Variants in NMNAT2 observed in about 807,000 individuals in gnomAD.
The protein encoded by NMNAT2 is nicotinamide/nicotinic acid mononucleotide adenylyltransferase 2.
NMNAT2 carries 11 observed loss-of-function variants against 41.6 expected under a neutral mutation model. The observed-to-expected ratio is 0.26, with a 90% confidence interval of 0.17 to 0.44. The LOEUF (loss-of-function observed/expected upper bound fraction) is 0.44. Ranked by LOEUF, NMNAT2 falls within the 20% of genes least tolerant of loss-of-function variation. The pLI, the probability that NMNAT2 is intolerant of heterozygous loss-of-function variation, is 1.00. For missense variants in NMNAT2, 288 were observed against 407.7 expected, an observed-to-expected ratio of 0.71 and a Z score of 2.53; for synonymous variants, 148 against 151.2, an observed-to-expected ratio of 0.98 and a Z score of 0.16.
At chr1:183,283,966 A>G (rs752638067) in intron 7 of NMNAT2, 29 bp downstream of exon 7, 50 of 1,612,634 alleles carry the variant, frequency 3.1e-5, no homozygotes, top group Non-Finnish European at 3.3e-5. Context: ...AAATGTCCCC[A>G]TTTTCCGCAC....
chr1:183,257,782 T>C (rs1010855248), intron 10 of NMNAT2, among the ~76,000 whole-genome samples: 1 of 150,750 alleles, frequency 6.6e-6, no homozygotes, highest in African/African-American at 2.5e-5. Flanking sequence ...GGTTTGTCAA[T>C]TTTGTTTTTT....
intron 1 of NMNAT2, among the ~76,000 whole-genome samples, chr1:183,387,760 C>G (rs4498769): frequency 1.3e-5 from 2 of 152,188 alleles, no homozygotes; most frequent in Non-Finnish European, 2.9e-5. Flanking sequence ...GGGTCCATCT[C>G]AAATACCACT....
intron 1 of NMNAT2, among the ~76,000 whole-genome samples, chr1:183,409,082 C>T (rs577464706): frequency 1.4e-4 from 21 of 151,832 alleles, no homozygotes; most frequent in African/African-American, 2.9e-4. Flanking sequence ...TTGGTGGGCA[C>T]GGTGGCTCAC....
intron 1 of NMNAT2, among the ~76,000 whole-genome samples, chr1:183,384,567 A>T (rs1648126639): frequency 6.6e-6 from 1 of 152,190 alleles, no homozygotes; most frequent in African/African-American, 2.4e-5. Context: ...GCAAGGGGAG[A>T]GTCTGCCCCC....
At chr1:183,328,579 T>C (rs1662516348) in intron 1 of NMNAT2, among the ~76,000 whole-genome samples, 1 of 152,182 alleles carries the variant, frequency 6.6e-6, no homozygotes, top group Non-Finnish European at 1.5e-5. Context: ...CCATCAGGCT[T>C]GGTGTCAGGA....
intron 1 of NMNAT2, among the ~76,000 whole-genome samples, chr1:183,370,885 A>T (rs1270170267): frequency 6.6e-6 from 1 of 152,174 alleles, no homozygotes; most frequent in Non-Finnish European, 1.5e-5. Context: ...GTGCTTTCCC[A>T]CTATAGCCCC....
Position 183,374,997 on chromosome 1 carries a change from A to C in NMNAT2, c.85+43186T>G, listed in dbSNP as rs59531778. On this transcript the variant is annotated intron_variant, in intron 1 of 10. Transcript: ENST00000287713. ...AGTGTTGACATTCATCGATCCCTAA[A>C]TGTTTCAAAAGAGGGAAGCATTCCA... is the stretch of plus-strand genomic sequence containing the variant. 2.0e-4 allele frequency among the ~76,000 whole-genome samples: 30 copies of C among 152,274 alleles called. 1 individual carries two copies. In the South Asian group the frequency reaches 3.7e-3, roughly 19 times the overall value.
intron 1 of NMNAT2, among the ~76,000 whole-genome samples, chr1:183,380,472 G>T (rs901301062): frequency 1.9e-4 from 29 of 151,982 alleles, no homozygotes; most frequent in Admixed American, 1.6e-3. Context: ...TATAATTTTT[G>T]TTATCCATAT....
intron 1 of NMNAT2, among the ~76,000 whole-genome samples, chr1:183,317,227 C>T (rs567643746): frequency 5.3e-5 from 8 of 152,300 alleles, no homozygotes; most frequent in African/African-American, 1.9e-4. Flanking sequence ...TCAGTTTCAT[C>T]CCCCCGTATT....
chr1:183,371,304 C>T (rs188472316), intron 1 of NMNAT2, among the ~76,000 whole-genome samples: 1 of 152,176 alleles, frequency 6.6e-6, no homozygotes, highest in East Asian at 1.9e-4. Flanking sequence ...CAGTGGTTGC[C>T]AGAAGTTGAG....
At chr1:183,263,595 G>A (rs893451510) in intron 8 of NMNAT2, among the ~76,000 whole-genome samples, 6 of 152,168 alleles carry the variant, frequency 3.9e-5, no homozygotes, top group Non-Finnish European at 7.3e-5. Flanking sequence ...AAGGCGGGTG[G>A]ATCACGAGGT....
chr1:183,396,556 C>G (rs1054296198), intron 1 of NMNAT2, among the ~76,000 whole-genome samples: 13 of 152,088 alleles, frequency 8.5e-5, no homozygotes, highest in African/African-American at 3.1e-4. Context: ...GTGTATATAA[C>G]TCCAGTAAGC....
rs758639592 is a variant in NMNAT2 at position 183,284,823 on chromosome 1, G to A, written c.449-33C>T. On this transcript the variant is annotated intron_variant, in intron 5 of 10. Coordinates refer to ENST00000287713, the MANE Select transcript of NMNAT2 (RefSeq NM_015039.4). ...AGAGAGCAAGACAGACAGGGACAGA[G>A]TGGGAGAGAACAACTCACAACTGGC... 4 of 1,585,712 alleles carry A rather than the reference G, an allele frequency of 2.5e-6. No homozygotes were observed. In the South Asian group the frequency reaches 3.3e-5, roughly 13 times the overall value.
chr1:183,416,539 C>T (rs1649256222), intron 1 of NMNAT2, among the ~76,000 whole-genome samples: 1 of 152,218 alleles, frequency 6.6e-6, no homozygotes, highest in South Asian at 2.1e-4. Context: ...AGACTGATGA[C>T]ATGCTCTTGT....
chr1:183,261,207 A>G lies in NMNAT2; in HGVS notation c.748T>C (p.Tyr250His), dbSNP rs1472065860. ...IMNHSSILRKYKNNIMVVKDD... is the reference protein window; with the variant it reads ...IMNHSSILRKHKNNIMVVKDD... Reference sequence around the variant, plus strand: ...TAGCAGGATGGAGGACTCACTTTGTATTTGCGGAGTATTGAGGAGTGATTC... The same window carrying G: ...TAGCAGGATGGAGGACTCACTTTGTGTTTGCGGAGTATTGAGGAGTGATTC... Residue 250 changes from tyrosine to histidine, a missense_variant, in exon 9 of 11, where the codon TAC becomes CAC. By Grantham distance (83) the Tyr-to-His change is moderately conservative (BLOSUM62 2). Coordinates refer to ENST00000287713, the MANE Select transcript of NMNAT2 (RefSeq NM_015039.4). 6.2e-7 allele frequency: 1 copy of G among 1,614,012 alleles called. No individual in the cohort carries two copies. Among genetic ancestry groups the G allele is most frequent in the East Asian group, 2.2e-5 (1 of 44,874 alleles).
chr1:183,291,448 G>A (rs934693481), intron 3 of NMNAT2, among the ~76,000 whole-genome samples: 3 of 152,106 alleles, frequency 2.0e-5, no homozygotes, highest in Non-Finnish European at 4.4e-5. Context: ...CTGGCTAAAT[G>A]GGATCCCAGT....
Position 183,286,791 on chromosome 1 carries a change from AG to A in NMNAT2, c.322-4del, listed in dbSNP as rs1371642485. 1 of 1,608,180 alleles carries A rather than the reference AG, an allele frequency of 6.2e-7. No individual in the cohort carries two copies. The highest frequency in any genetic ancestry group is 8.5e-7 in the Non-Finnish European group (1 of 1,177,536). On this transcript the variant is annotated splice_region_variant and splice_polypyrimidine_tract_variant and intron_variant, in intron 4 of 10. Transcript: ENST00000287713. ...GAGAGGATGCAGCCAGTCACCCTCT[AG>A]GGAGAGAGAGAAGAGTGTTATTAGT...
At chr1:183,292,706 A>T in intron 3 of NMNAT2, 84 bp downstream of exon 3, 1 of 1,271,248 alleles carries the variant, frequency 7.9e-7, no homozygotes. Context: ...GATCCAAATT[A>T]CTGCTGGAAC....
At chr1:183,286,529 A>T (rs1423545737) in intron 5 of NMNAT2, 133 bp downstream of exon 5, 7 of 684,270 alleles carry the variant, frequency 1.0e-5, no homozygotes, top group Admixed American at 3.4e-5. Context: ...GCAGCACCTT[A>T]TTAAAAATAC....
Sources: gnomAD v4.1 joint callset for allele counts (sites outside exome capture counted in the v4.1 genomes callset) on GRCh38, gnomAD v4.1.1 for gene constraint, MANE v1.5 for transcripts, NCBI Gene and HGNC (gene_info 2026-07-23, HGNC 2026-07-21) for gene names.